Variants in VCP observed in about 807,000 individuals in gnomAD.
VCP encodes the protein transitional endoplasmic reticulum ATPase.
Under a neutral mutation model 85.7 loss-of-function variants are expected in VCP, and 6 were observed. That is an observed-to-expected ratio of 0.07 (90% CI 0.04 to 0.14). The LOEUF (loss-of-function observed/expected upper bound fraction) is 0.14, where lower values mean the gene tolerates loss of function less well. VCP is among the 10% of genes least tolerant of loss of function. The pLI is 1.00. For synonymous variants in VCP, 384 were observed against 367.1 expected (o/e 1.05, Z -0.53); for missense variants, 353 against 1,043.4 (o/e 0.34, Z 9.12).
At chr9:35,066,885 G>T (rs1045782840) in intron 3 of VCP, 68 bp from the exon 4 acceptor site, 20 of 1,611,592 alleles carry the variant, frequency 1.2e-5, no homozygotes, top group Non-Finnish European at 1.5e-5. Flanking sequence ...TGTCCAAAAG[G>T]GCCTGGCACA....
rs1200962823 is a variant in VCP at position 35,062,255 on chromosome 9, T to C, written c.907A>G (p.Ile303Val). 5 of 1,614,030 alleles carry C rather than the reference T, an allele frequency of 3.1e-6. No homozygotes were observed. Among genetic ancestry groups the C allele is most frequent in the African/African-American group, 1.3e-5 (1 of 74,876 alleles). The change falls in exon 8 of 17, where the codon ATT (isoleucine) becomes GTT (valine). Residue 303 changes from isoleucine to valine, a missense_variant. Physicochemically the swap from Ile to Val is conservative, Grantham distance 29. Around this residue, in one of 8 missense-constraint regions of VCP, gnomAD observed 85 missense variants for 345.2 expected, o/e 0.25. Coordinates refer to ENST00000358901, the MANE Select transcript of VCP (RefSeq NM_007126.5). Reference sequence around the variant, plus strand: ...GGAGCGATGGCATCTAGCTCATCAATGAAGATGATGGCAGGAGCATTCTTC... The same window carrying C: ...GGAGCGATGGCATCTAGCTCATCAACGAAGATGATGGCAGGAGCATTCTTC... ...AEKNAPAIIF[I>V]DELDAIAPKR...
chr9:35,072,201 G>C, intron 1 of VCP, 136 bp downstream of exon 1: 2 of 1,431,030 alleles, frequency 1.4e-6, no homozygotes, highest in Non-Finnish European at 1.8e-6. Flanking sequence ...CCCCTCACTC[G>C]CCCCCTAGCT....
Position 35,057,080 on chromosome 9 carries a change from C to A in VCP, c.*37G>T. 2 of 1,609,518 alleles carry A rather than the reference C, an allele frequency of 1.2e-6. No homozygotes were observed. The highest frequency in any genetic ancestry group is 2.2e-5 in the East Asian group (1 of 44,856). ...GCCCCCACCCCCAGGGAACAAGGTCCAGGCAGGCCAGCTCACTGCACGCTG... is the reference window on the plus strand; with the variant it reads ...GCCCCCACCCCCAGGGAACAAGGTCAAGGCAGGCCAGCTCACTGCACGCTG... On this transcript the variant is annotated 3_prime_UTR_variant, in exon 17 of 17. Transcript: ENST00000358901.
chr9:35,056,178 G>C lies in VCP; in HGVS notation c.*939C>G, dbSNP rs1488466795. 1 of 152,018 alleles carries C rather than the reference G, an allele frequency of 6.6e-6. No individual in the cohort carries two copies. 9.4% of individuals were successfully genotyped at this position (152,018 alleles called of 1,614,324 possible). On this transcript the variant is annotated 3_prime_UTR_variant, in exon 17 of 17. Transcript: ENST00000358901. ...TTTGGGATTTTTAGATGCATTAAAA[G>C]AGAGTATAGAGAATATCCACCTGCA...
rs1412853493 is a variant in VCP at position 35,056,981 on chromosome 9, A to G, written c.*136T>C. The stretch of plus-strand genomic sequence containing the variant: ...ACAGAAACCCCCTGTCCAGAGTCAG[A>G]CTGTAGCTGAACTGTTCAGACTGGA... On this transcript the variant is annotated 3_prime_UTR_variant, in exon 17 of 17. Transcript: ENST00000358901. 4.7e-6 allele frequency: 4 copies of G among 854,622 alleles called. No homozygotes were observed. In the Admixed American group the frequency reaches 7.6e-5, roughly 16 times the overall value. The allele number at this position is 854,622 out of a possible 1,614,324, so 52.9% of individuals were successfully genotyped here.
chr9:35,069,777 G>A (rs1484066407), intron 1 of VCP, among the ~76,000 whole-genome samples: 2 of 152,184 alleles, frequency 1.3e-5, no homozygotes, highest in Non-Finnish European at 2.9e-5. Context: ...GAGCGGCCTC[G>A]TGTTAGTAAG....
rs879074973 is a variant in VCP, at chr9:35,072,568, T to TGGCAGCGGCAGCGGCAGCGGCAGC, written c.-216_-215insGCTGCCGCTGCCGCTGCCGCTGCC. Reference sequence around the variant, plus strand: ...CTGATCCGCGAGGTGGCAGTGGCAGTGGCAGCGGCAGCGGCAGCGACGACT... The same window carrying TGGCAGCGGCAGCGGCAGCGGCAGC: ...CTGATCCGCGAGGTGGCAGTGGCAGTGGCAGCGGCAGCGGCAGCGGCAGCGGCAGCGGCAGCGGCAGCGACGACT... On this transcript the variant is annotated 5_prime_UTR_variant, in exon 1 of 17. Coordinates refer to ENST00000358901, the MANE Select transcript of VCP (RefSeq NM_007126.5). 2.3e-5 allele frequency: 12 copies of TGGCAGCGGCAGCGGCAGCGGCAGC among 532,126 alleles called. No individual in the cohort carries two copies. Among genetic ancestry groups the TGGCAGCGGCAGCGGCAGCGGCAGC allele is most frequent in the African/African-American group, 6.0e-5 (3 of 49,592 alleles). The allele number at this position is 532,126 out of a possible 1,614,324, so 33.0% of individuals were successfully genotyped here.
intron 7 of VCP, 113 bp from the exon 8 acceptor site, chr9:35,062,463 G>GT: frequency 6.5e-7 from 1 of 1,527,612 alleles, no homozygotes; most frequent in Non-Finnish European, 8.9e-7. Context: ...TGAGAAGGTG[G>GT]TAACCTCTGC....
chr9:35,059,092 C>T lies in VCP; in HGVS notation c.2132G>A (p.Arg711Gln), dbSNP rs779670266. 9.9e-6 allele frequency: 16 copies of T among 1,613,980 alleles called. No individual in the cohort carries two copies. Among genetic ancestry groups the T allele is most frequent in the South Asian group, 6.6e-5 (6 of 91,062 alleles). The change falls in exon 15 of 17, where the codon CGA (arginine) becomes CAA (glutamine). Residue 711 changes from arginine (R) to glutamine (Q), a missense_variant. Coordinates refer to ENST00000358901, the MANE Select transcript of VCP (RefSeq NM_007126.5). The surrounding 1 kb of genome is among the most constrained non-coding windows in gnomAD (Gnocchi z 4.9). ...GGCTGATGGGTTTGTCTGCCTCTCT[C>T]GTTCTCGCCTAATCTCACTCTCGAT... The part of the protein sequence containing the change: ...ESIESEIRRE[R>Q]ERQTNPSAME...
intron 4 of VCP, among the ~76,000 whole-genome samples, chr9:35,065,683 T>C (rs547974423): frequency 6.6e-6 from 1 of 152,226 alleles, no homozygotes; most frequent in South Asian, 2.1e-4. Context: ...CCACCAATGG[T>C]AGAACTGTGC....
At chr9:35,057,662 G>A in intron 15 of VCP, 132 bp from the exon 16 acceptor site, 3 of 1,261,892 alleles carry the variant, frequency 2.4e-6, no homozygotes, top group South Asian at 2.4e-5. Context: ...GCTAGGCCAT[G>A]CTTCCTAAAA....
chr9:35,063,769 GA>G (rs1323532771), intron 6 of VCP, among the ~76,000 whole-genome samples: 14 of 152,226 alleles, frequency 9.2e-5, no homozygotes, highest in Non-Finnish European at 4.4e-5. Flanking sequence ...TTAACACTCT[GA>G]AAATTTCCTT....
chr9:35,067,751 A>G (rs916968611), intron 3 of VCP, 140 bp downstream of exon 3: 28 of 1,136,986 alleles, frequency 2.5e-5, no homozygotes, highest in Admixed American at 1.2e-4. Context: ...ACCCTGAAGC[A>G]TAAGTCTTCC....
At position 35,072,606 on chromosome 9, in the gene VCP, G is replaced by A. The variant is rs759782318; in HGVS notation, c.-253C>T. On this transcript the variant is annotated 5_prime_UTR_variant, in exon 1 of 17. Coordinates refer to ENST00000358901, the MANE Select transcript of VCP (RefSeq NM_007126.5). ...GGCAGCGACGACTCAAACGACGGTC[G>A]CAGACGCTTCGCTGAGACTGAGCCG... The A allele has an allele frequency of 1.1e-4, 51 of 477,354 alleles. No homozygotes were observed. Among genetic ancestry groups the A allele is most frequent in the Non-Finnish European group, 1.8e-4 (50 of 273,850 alleles). 29.6% of individuals were successfully genotyped at this position (477,354 alleles called of 1,614,324 possible). A position where few individuals can be genotyped will look rare whatever the true frequency, so the allele number is the denominator to read the frequency against.
In VCP at chr9:35,061,017, G is replaced by A. The variant is rs755519450; in HGVS notation, c.1357C>T (p.Arg453Trp). Residue 453 changes from arginine to tryptophan, a missense_variant and splice_region_variant, in exon 11 of 17, where the codon CGG becomes TGG. By Grantham distance (101) the Arg-to-Trp change is moderately radical. This residue lies in a region of VCP where 22 missense variants were observed against 31.2 expected (regional missense o/e 0.70). Coordinates refer to ENST00000358901, the MANE Select transcript of VCP (RefSeq NM_007126.5). ...NSLAVTMDDF[R>W]WALSQSNPSA... ...TGAGGCACGGGTGTGGTCCTTACCC[G>A]GAAGTCATCCATAGTAACTGCTAGA... 1.9e-6 allele frequency: 3 copies of A among 1,614,064 alleles called. No individual in the cohort carries two copies. The highest frequency in any genetic ancestry group is 1.1e-5 in the South Asian group (1 of 91,076).
At chr9:35,069,703 C>T (rs566577705) in intron 1 of VCP, among the ~76,000 whole-genome samples, 72 of 152,300 alleles carry the variant, frequency 4.7e-4, no homozygotes, top group African/African-American at 1.7e-3. Flanking sequence ...CTGCCCACCT[C>T]GGCCTCCCAA....
At chr9:35,062,933 T>A in intron 7 of VCP, 45 bp downstream of exon 7, 2 of 1,602,230 alleles carry the variant, frequency 1.2e-6, no homozygotes, top group Non-Finnish European at 1.7e-6. Flanking sequence ...TAAGCCCAGT[T>A]CAAAATTGGG....
In VCP at chr9:35,060,484, C is replaced by T. The variant is rs773673950; in HGVS notation, c.1524G>A (p.Met508Ile). 20 of 1,614,076 alleles carry T rather than the reference C, an allele frequency of 1.2e-5. No homozygotes were observed. ...AGAACAGAACTCCCTTGGAAGGTGT[C>T]ATGCCAAACTTCAGGAATTTGTCTG... ...EHPDKFLKFG[M>I]TPSKGVLFYG... The change falls in exon 13 of 17, where the codon ATG becomes ATA. Residue 508 changes from methionine (M) to isoleucine (I), a missense_variant. Physicochemically the swap from Met to Ile is conservative, Grantham distance 10. Transcript: ENST00000358901.
Position 35,061,602 on chromosome 9 carries a change from A to T in VCP, c.1169T>A (p.Leu390Gln). 1 of 1,614,226 alleles carries T rather than the reference A, an allele frequency of 6.2e-7. No homozygotes were observed. Among genetic ancestry groups the T allele is most frequent in the Non-Finnish European group, 8.5e-7 (1 of 1,180,034 alleles). ...CTGTTCCAGGTCCACATCATCTGCC[A>T]GCTTCATGTTCTTGGTATGGATCTG... ...ILQIHTKNMK[L>Q]ADDVDLEQVA... Residue 390 changes from leucine to glutamine, a missense_variant, in exon 10 of 17, where the codon CTG becomes CAG. Leu to Gln is a moderately radical substitution (Grantham distance 113). Transcript: ENST00000358901.
Sources: allele counts gnomAD v4.1 joint callset (sites outside exome capture counted in the v4.1 genomes callset), GRCh38; gene constraint gnomAD v4.1.1; regional missense constraint gnomAD v4.1.1; non-coding constraint Gnocchi (gnomAD v3.1); transcripts MANE v1.5; gene names NCBI Gene and HGNC (gene_info 2026-07-23, HGNC 2026-07-21).